FILIP1L: variants seen among roughly 807,000 people sequenced by gnomAD.
FILIP1L encodes filamin A-interacting protein 1-like.
Under a neutral mutation model 96.6 loss-of-function variants are expected in FILIP1L, and 55 were observed. That is an observed-to-expected ratio of 0.57 (90% CI 0.46 to 0.71). The LOEUF is 0.71. Ranked by LOEUF, FILIP1L falls within the 30% of genes least tolerant of loss-of-function variation. The pLI, the probability that FILIP1L is intolerant of heterozygous loss-of-function variation, is 0.00. For synonymous variants in FILIP1L, 467 were observed against 473.9 expected (o/e 0.99, Z 0.19); for missense variants, 1,304 against 1,321.2 (o/e 0.99, Z 0.20).
intron 1 of FILIP1L, among the ~76,000 whole-genome samples, chr3:100,005,630 T>C (rs778990161): frequency 1.3e-5 from 2 of 152,224 alleles, no homozygotes; most frequent in Non-Finnish European, 2.9e-5. Context: ...ATTTATAAAA[T>C]ATAGCCAGAA....
At chr3:99,865,784 G>A (rs375826724) in intron 4 of FILIP1L, among the ~76,000 whole-genome samples, 27 of 151,772 alleles carry the variant, frequency 1.8e-4, no homozygotes, top group East Asian at 9.6e-4. Flanking sequence ...TTAGAAATAT[G>A]TGTGTATGTA....
chr3:100,002,045 T>G (rs930587536), intron 1 of FILIP1L, among the ~76,000 whole-genome samples: 1 of 152,182 alleles, frequency 6.6e-6, no homozygotes, highest in Middle Eastern at 3.2e-3. Context: ...CTGCTGGTGA[T>G]GCGTGTGTGA....
intron 1 of FILIP1L, among the ~76,000 whole-genome samples, chr3:99,970,309 G>C (rs1169468850): frequency 6.6e-6 from 1 of 152,222 alleles, no homozygotes; most frequent in African/African-American, 2.4e-5. Flanking sequence ...TCTGAATAGG[G>C]AATGCCCACC....
chr3:99,877,396 T>A (rs964273283), intron 4 of FILIP1L, among the ~76,000 whole-genome samples: 2 of 152,174 alleles, frequency 1.3e-5, no homozygotes, highest in Non-Finnish European at 2.9e-5. Flanking sequence ...TTTGCAGAGT[T>A]GTTAGTGGAA....
chr3:99,889,442 T>G (rs1391115834), intron 4 of FILIP1L, among the ~76,000 whole-genome samples: 1 of 152,124 alleles, frequency 6.6e-6, no homozygotes, highest in African/African-American at 2.4e-5. Flanking sequence ...CCTTTTACTT[T>G]CAGCTTTACC....
rs1374279933 is a variant in FILIP1L at position 99,925,299 on chromosome 3, TAC to T, written c.427-893_427-892del. ...ATTCAGATTTTCACAGCACTATACT[TAC>T]ATCTTTTTTACAAAATGATCAACCT... On this transcript the variant is annotated intron_variant, in intron 3 of 5. Transcript: ENST00000477258. 3.9e-5 allele frequency among the ~76,000 whole-genome samples: 6 copies of T among 152,230 alleles called. No homozygotes were observed. The East Asian group carries it at 9.6e-4, about 24-fold the overall frequency.
At chr3:99,987,207 G>A (rs922990157) in intron 1 of FILIP1L, among the ~76,000 whole-genome samples, 1 of 147,552 alleles carries the variant, frequency 6.8e-6, no homozygotes, top group African/African-American at 2.5e-5. Flanking sequence ...CCAGCCTGGG[G>A]GACAGAGTAA....
intron 1 of FILIP1L, among the ~76,000 whole-genome samples, chr3:100,075,279 A>C (rs2065832289): frequency 6.6e-6 from 1 of 152,252 alleles, no homozygotes; most frequent in Non-Finnish European, 1.5e-5. Context: ...ATGACACAAG[A>C]GAACAATCTA....
chr3:99,946,815 T>C (rs911502264), intron 1 of FILIP1L, among the ~76,000 whole-genome samples: 1 of 152,144 alleles, frequency 6.6e-6, no homozygotes, highest in African/African-American at 2.4e-5. Context: ...AGTAGTGATT[T>C]GCTGGCTCTA....
chr3:99,948,366 GT>G (rs1282185769), intron 1 of FILIP1L, among the ~76,000 whole-genome samples: 2 of 151,756 alleles, frequency 1.3e-5, no homozygotes, highest in Non-Finnish European at 1.5e-5. Flanking sequence ...TAAAAATTAA[GT>G]AAAAATAAGA....
At chr3:100,067,444 C>T (rs1299629800) in intron 1 of FILIP1L, among the ~76,000 whole-genome samples, 3 of 152,228 alleles carry the variant, frequency 2.0e-5, no homozygotes, top group Middle Eastern at 3.4e-3. Flanking sequence ...TCCCTGGCTC[C>T]AATTATTCCC....
rs570654382 is a variant in FILIP1L, at chr3:100,052,562, G to A, written c.-11+61491C>T. On this transcript the variant is annotated intron_variant, in intron 1 of 5. Transcript: ENST00000477258. ...ATGAAGTCTGTCCTCCATTTTCTTGGGCATACATTAGCAATTCAATGCTAG... is the reference window on the plus strand; with the variant it reads ...ATGAAGTCTGTCCTCCATTTTCTTGAGCATACATTAGCAATTCAATGCTAG... Among the ~76,000 whole-genome samples, 106 of 152,140 alleles carry A rather than the reference G, an allele frequency of 7.0e-4. 2 individuals are homozygous for A. The highest frequency in any genetic ancestry group is 3.4e-3 in the Middle Eastern group (1 of 294).
intron 1 of FILIP1L, among the ~76,000 whole-genome samples, chr3:100,034,849 A>G (rs1469243420): frequency 6.6e-6 from 1 of 152,222 alleles, no homozygotes; most frequent in African/African-American, 2.4e-5. Context: ...CGGTATATAC[A>G]TACGAATATA....
At chr3:99,877,949 C>G (rs1480573640) in intron 4 of FILIP1L, among the ~76,000 whole-genome samples, 2 of 152,178 alleles carry the variant, frequency 1.3e-5, no homozygotes, top group Non-Finnish European at 1.5e-5. Context: ...CCATTTGTTT[C>G]TTTCTCACAT....
intron 4 of FILIP1L, among the ~76,000 whole-genome samples, chr3:99,876,611 G>A (rs928379444): frequency 2.6e-5 from 4 of 152,088 alleles, no homozygotes; most frequent in Non-Finnish European, 4.4e-5. Flanking sequence ...GAGAAGTCTG[G>A]GGTTTTGTGG....
rs150269115 is a variant in FILIP1L at position 99,954,655 on chromosome 3, G to A, written c.-10-23625C>T. Among the ~76,000 whole-genome samples the A allele has an allele frequency of 6.8e-3, 1,028 of 152,044 alleles. 3 individuals are homozygous for A. Among genetic ancestry groups the A allele is most frequent in the African/African-American group, 8.5e-3 (354 of 41,488 alleles). On this transcript the variant is annotated intron_variant, in intron 1 of 5. Transcript: ENST00000477258. ...AGCCTGACCAACATGGTGAAACCCC[G>A]TCTCTACTAAAAATACAAAAATTAG... is the stretch of plus-strand genomic sequence containing the variant.
At chr3:100,105,147 A>G (rs899406369) in intron 1 of FILIP1L, among the ~76,000 whole-genome samples, 9 of 152,250 alleles carry the variant, frequency 5.9e-5, no homozygotes, top group African/African-American at 2.2e-4. Context: ...CTTTCCTCTA[A>G]CAGCATACAA....
At chr3:99,893,165 T>C (rs1452060968) in intron 4 of FILIP1L, among the ~76,000 whole-genome samples, 1 of 146,486 alleles carries the variant, frequency 6.8e-6, no homozygotes, top group African/African-American at 2.6e-5. Flanking sequence ...ATCTAGACTT[T>C]TTTTTTTTTT....
intron 1 of FILIP1L, among the ~76,000 whole-genome samples, chr3:100,029,794 A>G (rs2064991273): frequency 6.6e-6 from 1 of 152,206 alleles, no homozygotes; most frequent in Non-Finnish European, 1.5e-5. Flanking sequence ...TGAGCCTGTC[A>G]CTACGCTATA....
Sources: gnomAD v4.1 joint callset for allele counts (sites outside exome capture counted in the v4.1 genomes callset) on GRCh38, gnomAD v4.1.1 for gene constraint, MANE v1.5 for transcripts, NCBI Gene and HGNC (gene_info 2026-07-23, HGNC 2026-07-21) for gene names.